The following GMDS variants were observed in gnomAD, a reference collection of about 807,000 sequenced individuals.
GMDS encodes GDP-mannose 4,6 dehydratase.
A neutral mutation model predicts 49.9 loss-of-function variants in GMDS; 20 were observed. The ratio of observed to expected loss-of-function variants is 0.40; its 90% CI spans 0.28 to 0.58. The LOEUF (loss-of-function observed/expected upper bound fraction) is 0.58, where lower values mean the gene tolerates loss of function less well. Ranked by LOEUF, GMDS falls within the 20% of genes least tolerant of loss-of-function variation. The pLI, the probability that GMDS is intolerant of heterozygous loss-of-function variation, is 0.42. For missense variants in GMDS, 362 were observed against 481.4 expected (o/e 0.75, Z 2.32); for synonymous variants, 177 against 178.6 (o/e 0.99, Z 0.07).
At chr6:1,999,274 A>C (rs1291877920) in intron 4 of GMDS, among the ~76,000 whole-genome samples, 1 of 149,660 alleles carries the variant, frequency 6.7e-6, no homozygotes, top group Non-Finnish European at 1.5e-5. Flanking sequence ...GTGAGCCGAG[A>C]CTGCACCACT....
At chr6:2,047,416 T>G (rs1770087542) in intron 4 of GMDS, among the ~76,000 whole-genome samples, 1 of 152,246 alleles carries the variant, frequency 6.6e-6, no homozygotes, top group Admixed American at 6.5e-5. Flanking sequence ...GCAAATTTAG[T>G]ACGGAATTCC....
intron 4 of GMDS, among the ~76,000 whole-genome samples, chr6:2,042,747 C>T (rs1218288245): frequency 6.6e-6 from 1 of 152,050 alleles, no homozygotes; most frequent in Non-Finnish European, 1.5e-5. Flanking sequence ...TTATCATTTT[C>T]AAAAGAAATC....
Position 1,726,431 on chromosome 6 carries a change from G to T in GMDS, c.972C>A (p.Tyr324Ter). The T allele has an allele frequency of 6.2e-7, 1 of 1,612,198 alleles. No homozygotes were observed. Among genetic ancestry groups the T allele is most frequent in the Non-Finnish European group, 8.5e-7 (1 of 1,178,176 alleles). The change falls in exon 9 of 11, where the codon TAC becomes TAA. Residue 324 changes from tyrosine to a stop codon, truncating the protein, a stop_gained. Coordinates refer to ENST00000380815, the MANE Select transcript of GMDS (RefSeq NM_001500.4). LOFTEE classifies it high-confidence loss of function. ...KVHVTVDLKY[Y>*]RPTEVDFLQG... ...GAGTCCTTACCACTTCAGTTGGCCG[G>T]TAGTACTTGAGATCCACAGTCACGT...
chr6:1,838,452 G>A (rs753330443), intron 7 of GMDS, among the ~76,000 whole-genome samples: 2 of 152,252 alleles, frequency 1.3e-5, no homozygotes, highest in Non-Finnish European at 2.9e-5. Flanking sequence ...TCAGCCTGCA[G>A]AAGTTGGAGT....
chr6:2,068,300 G>C (rs1771750730), intron 4 of GMDS, among the ~76,000 whole-genome samples: 1 of 150,576 alleles, frequency 6.6e-6, no homozygotes. Flanking sequence ...CAAACCCACA[G>C]CCAATATCAT....
At chr6:2,055,226 A>G (rs996910322) in intron 4 of GMDS, among the ~76,000 whole-genome samples, 1 of 151,888 alleles carries the variant, frequency 6.6e-6, no homozygotes, top group Admixed American at 6.6e-5. Flanking sequence ...CAATATTATA[A>G]CATTCTTGTA....
chr6:1,870,086 A>G (rs1166475860), intron 7 of GMDS, among the ~76,000 whole-genome samples: 2 of 152,204 alleles, frequency 1.3e-5, no homozygotes, highest in African/African-American at 4.8e-5. Flanking sequence ...CCATGCCAGG[A>G]CAAGAGCCAC....
At position 1,646,305 on chromosome 6, in the gene GMDS, C is replaced by CA. The variant is rs149654852; in HGVS notation, c.988-21766_988-21765insT. On this transcript the variant is annotated intron_variant, in intron 9 of 10. Coordinates refer to ENST00000380815, the MANE Select transcript of GMDS (RefSeq NM_001500.4). ...TCCTCCCGCTTCACAGACCAGCCCT[C>CA]CCCTGCTCTGGGGTCCGTGCTCATT... is the stretch of plus-strand genomic sequence containing the variant. Among the ~76,000 whole-genome samples the CA allele has an allele frequency of 2.5e-4, 38 of 152,318 alleles. 1 individual carries two copies. The East Asian group carries it at 6.2e-3, about 25-fold the overall frequency.
chr6:2,014,159 A>C (rs1400617767), intron 4 of GMDS, among the ~76,000 whole-genome samples: 1 of 146,148 alleles, frequency 6.8e-6, no homozygotes, highest in Admixed American at 6.8e-5. Context: ...TAAGGCAAAT[A>C]AAACTGAGGG....
intron 1 of GMDS, among the ~76,000 whole-genome samples, chr6:2,142,881 G>A (rs918198272): frequency 6.6e-6 from 1 of 152,072 alleles, no homozygotes; most frequent in Admixed American, 6.5e-5. Flanking sequence ...ATCATCCATC[G>A]CTCCTGAGCT....
At chr6:1,768,241 CAAT>C (rs1768434952) in intron 7 of GMDS, among the ~76,000 whole-genome samples, 1 of 152,106 alleles carries the variant, frequency 6.6e-6, no homozygotes, top group African/African-American at 2.4e-5. Flanking sequence ...GTAAAGCATA[CAAT>C]GTCATAGAGA....
intron 4 of GMDS, among the ~76,000 whole-genome samples, chr6:2,012,016 A>T (rs928263070): frequency 6.6e-6 from 1 of 152,232 alleles, no homozygotes; most frequent in Non-Finnish European, 1.5e-5. Flanking sequence ...TCAGAAACAG[A>T]AAGTCAAATA....
At chr6:1,939,323 G>A (rs1211524315) in intron 6 of GMDS, among the ~76,000 whole-genome samples, 4 of 151,596 alleles carry the variant, frequency 2.6e-5, no homozygotes, top group African/African-American at 4.8e-5. Flanking sequence ...CGCAAATGAC[G>A]GCTTCCTCCT....
intron 9 of GMDS, among the ~76,000 whole-genome samples, chr6:1,708,041 A>C (rs1765801490): frequency 6.6e-6 from 1 of 152,208 alleles, no homozygotes; most frequent in South Asian, 2.1e-4. Context: ...GGTATAAATA[A>C]ATGAAATACA....
chr6:2,129,586 A>G (rs1208281380), intron 1 of GMDS, among the ~76,000 whole-genome samples: 1 of 152,196 alleles, frequency 6.6e-6, no homozygotes, highest in East Asian at 1.9e-4. Flanking sequence ...AGGAAATAGA[A>G]TAACCCCTTC....
At chr6:2,171,826 G>T (rs1027048668) in intron 1 of GMDS, among the ~76,000 whole-genome samples, 1 of 145,314 alleles carries the variant, frequency 6.9e-6, no homozygotes, top group African/African-American at 2.9e-5. Flanking sequence ...AGAAGTTAAG[G>T]TAAAAAGATA....
At chr6:1,995,703 G>A (rs1476692700) in intron 4 of GMDS, among the ~76,000 whole-genome samples, 1 of 152,140 alleles carries the variant, frequency 6.6e-6, no homozygotes, top group Non-Finnish European at 1.5e-5. Context: ...AGACATTCCT[G>A]GTTACTTTCT....
chr6:1,711,649 G>A (rs1765970022), intron 9 of GMDS, among the ~76,000 whole-genome samples: 2 of 152,310 alleles, frequency 1.3e-5, no homozygotes. Context: ...CACACGTTAT[G>A]TCTAGGTATG....
intron 7 of GMDS, among the ~76,000 whole-genome samples, chr6:1,781,752 G>A (rs571532606): frequency 6.6e-6 from 1 of 152,118 alleles, no homozygotes; most frequent in Admixed American, 6.5e-5. Flanking sequence ...ACTGAAAGAT[G>A]AGTCACCATA....
Sources: gnomAD v4.1 joint callset for allele counts (sites outside exome capture counted in the v4.1 genomes callset) on GRCh38, gnomAD v4.1.1 for gene constraint, MANE v1.5 for transcripts, NCBI Gene and HGNC (gene_info 2026-07-23, HGNC 2026-07-21) for gene names.